The following SPAG17 variants were observed in gnomAD, a reference collection of about 807,000 sequenced individuals.
The protein encoded by SPAG17 is sperm-associated antigen 17.
In SPAG17, 169 loss-of-function variants were observed where a neutral mutation model predicts 273.6. The ratio of observed to expected loss-of-function variants is 0.62; its 90% confidence interval spans 0.55 to 0.70. The LOEUF is 0.70. Among genes scored for constraint, SPAG17 ranks in the 30% least tolerant of loss-of-function variants. The pLI, the probability that SPAG17 is intolerant of heterozygous loss-of-function variation, is 0.00. For missense variants in SPAG17, 2,557 were observed against 2,627.8 expected (o/e 0.97, Z 0.59); for synonymous variants, 825 against 873.2 (o/e 0.94, Z 0.97).
chr1:118,106,973 G>A (rs1253507899), intron 4 of SPAG17, among the ~76,000 whole-genome samples: 3 of 152,082 alleles, frequency 2.0e-5, no homozygotes, highest in Non-Finnish European at 1.5e-5. Context: ...TGGGATTCTG[G>A]GATTCTGCAG....
chr1:118,166,460 C>T (rs558873201), intron 1 of SPAG17, among the ~76,000 whole-genome samples: 2 of 152,274 alleles, frequency 1.3e-5, no homozygotes, highest in Non-Finnish European at 1.5e-5. Context: ...CCCTGGAAAT[C>T]ATCCATAGAT....
Position 118,125,341 on chromosome 1 carries a change from A to G in SPAG17, c.316-9900T>C, listed in dbSNP as rs963608049. Among the ~76,000 whole-genome samples the G allele has an allele frequency of 3.9e-5, 6 of 152,220 alleles. No homozygotes were observed. The South Asian group carries it at 1.0e-3, about 26-fold the overall frequency. On this transcript the variant is annotated intron_variant, in intron 3 of 48. Coordinates refer to ENST00000336338, the MANE Select transcript of SPAG17 (RefSeq NM_206996.4). ...TAATGATTAAATCAGGGTAATTAGC[A>G]TATCTATCACCTCAAACACTTATCA... is the stretch of plus-strand genomic sequence containing the variant.
At chr1:117,956,143 A>G (rs1470263783) in intron 48 of SPAG17, among the ~76,000 whole-genome samples, 1 of 152,152 alleles carries the variant, frequency 6.6e-6, no homozygotes, top group Non-Finnish European at 1.5e-5. Context: ...GTGAATTTTT[A>G]GTTACCTCTT....
chr1:118,154,375 G>C (rs1659541754), intron 1 of SPAG17, among the ~76,000 whole-genome samples: 2 of 152,170 alleles, frequency 1.3e-5, no homozygotes, highest in Admixed American at 6.5e-5. Flanking sequence ...AACACAAACT[G>C]AGAATGCCTA....
At chr1:118,109,308 G>A (rs947481831) in intron 4 of SPAG17, among the ~76,000 whole-genome samples, 1 of 150,562 alleles carries the variant, frequency 6.6e-6, no homozygotes, top group Non-Finnish European at 1.5e-5. Context: ...AACTTTGGGA[G>A]GCTGAGGTGG....
intron 38 of SPAG17, among the ~76,000 whole-genome samples, chr1:117,990,314 A>G (rs756615637): frequency 2.6e-5 from 4 of 152,200 alleles, no homozygotes; most frequent in Non-Finnish European, 5.9e-5. Context: ...CGCCAACAAA[A>G]CAAAACAAAA....
At chr1:118,058,312 A>G (rs756001360) in intron 18 of SPAG17, among the ~76,000 whole-genome samples, 10 of 152,092 alleles carry the variant, frequency 6.6e-5, no homozygotes, top group Non-Finnish European at 1.2e-4. Flanking sequence ...GGCTTGAGCA[A>G]TTCTCCCAGC....
At chr1:118,058,044 A>T in intron 18 of SPAG17, among the ~76,000 whole-genome samples, 2 of 152,224 alleles carry the variant, frequency 1.3e-5, no homozygotes, top group Middle Eastern at 6.8e-3. Flanking sequence ...ATAGAAATTT[A>T]TTTATAAAAT....
chr1:118,181,047 T>G (rs771338734), intron 1 of SPAG17, among the ~76,000 whole-genome samples: 3 of 151,916 alleles, frequency 2.0e-5, no homozygotes, highest in Non-Finnish European at 2.9e-5. Flanking sequence ...GCAATTGATA[T>G]TAAGTTAGTA....
At chr1:118,063,715 A>G (rs570787496) in intron 18 of SPAG17, among the ~76,000 whole-genome samples, 1 of 152,374 alleles carries the variant, frequency 6.6e-6, no homozygotes, top group African/African-American at 2.4e-5. Flanking sequence ...CAATGGCAAC[A>G]AAAGCCGAAA....
chr1:118,047,971 C>T (rs1650557638), intron 20 of SPAG17, among the ~76,000 whole-genome samples: 1 of 152,196 alleles, frequency 6.6e-6, no homozygotes, highest in East Asian at 1.9e-4. Flanking sequence ...TAGACCTGAG[C>T]ACTGGGCTGG....
At chr1:117,968,139 T>C (rs966521203) in intron 46 of SPAG17, among the ~76,000 whole-genome samples, 6 of 152,138 alleles carry the variant, frequency 3.9e-5, no homozygotes, top group African/African-American at 1.2e-4. Context: ...TCATTTAGTG[T>C]TGGCAACTAA....
chr1:117,973,323 A>T (rs1446457290), intron 44 of SPAG17, 102 bp downstream of exon 44: 5 of 1,431,962 alleles, frequency 3.5e-6, no homozygotes, highest in Non-Finnish European at 4.8e-6. Context: ...AATCAGAATT[A>T]CATAAAATCT....
At chr1:117,973,370 G>C (rs1237812741) in intron 44 of SPAG17, 55 bp downstream of exon 44, 1 of 1,569,568 alleles carries the variant, frequency 6.4e-7, no homozygotes, top group African/African-American at 1.4e-5. Flanking sequence ...AAAAAATAAA[G>C]AATTCCATCA....
chr1:117,963,731 A>G (rs1159252306), intron 48 of SPAG17, 68 bp downstream of exon 48: 2 of 1,435,198 alleles, frequency 1.4e-6, no homozygotes, highest in African/African-American at 2.9e-5. Context: ...AGAGGGGAAG[A>G]AACCTGGGGT....
intron 12 of SPAG17, 65 bp downstream of exon 12, chr1:118,086,606 A>T: frequency 7.3e-7 from 1 of 1,366,102 alleles, no homozygotes; most frequent in South Asian, 1.2e-5. Context: ...AGCTTCTTTC[A>T]ACTGAATAGT....
chr1:118,101,645 T>C (rs1375282532), intron 5 of SPAG17, 95 bp downstream of exon 5: 3 of 1,225,198 alleles, frequency 2.4e-6, no homozygotes, highest in South Asian at 2.9e-5. Context: ...CAGGAAACTA[T>C]GCGCTCTATG....
At chr1:118,039,580 A>C (rs1649498465) in intron 22 of SPAG17, 136 bp from the exon 23 acceptor site, 3 of 837,844 alleles carry the variant, frequency 3.6e-6, no homozygotes, top group Non-Finnish European at 5.7e-6. Flanking sequence ...TCACTTAGGA[A>C]TGGCAGCTAA....
chr1:117,998,507 T>C (rs781045730), intron 32 of SPAG17, among the ~76,000 whole-genome samples: 1 of 152,142 alleles, frequency 6.6e-6, no homozygotes, highest in Non-Finnish European at 1.5e-5. Context: ...ACCTTTGTTC[T>C]TTTTGCTTAG....
Sources: allele counts gnomAD v4.1 joint callset (sites outside exome capture counted in the v4.1 genomes callset), GRCh38; gene constraint gnomAD v4.1.1; transcripts MANE v1.5; gene names NCBI Gene and HGNC (gene_info 2026-07-23, HGNC 2026-07-21).